Variants in OLFM1 observed in about 807,000 individuals in gnomAD.
OLFM1 encodes olfactomedin 1.
Under a neutral mutation model 49.7 loss-of-function variants are expected in OLFM1, and 9 were observed. The observed-to-expected ratio is 0.18, with a 90% CI of 0.11 to 0.32. The LOEUF is 0.32. Ranked by LOEUF, OLFM1 falls within the 10% of genes least tolerant of loss-of-function variation. The pLI, the probability that OLFM1 is intolerant of heterozygous loss-of-function variation, is 1.00. For missense variants in OLFM1, 369 were observed against 661.8 expected, an observed-to-expected ratio of 0.56 and a Z score of 4.85; for synonymous variants, 240 against 271.8, an observed-to-expected ratio of 0.88 and a Z score of 1.15.
At chr9:135,109,317 G>A (rs1016467641) in intron 5 of OLFM1, among the ~76,000 whole-genome samples, 4 of 152,242 alleles carry the variant, frequency 2.6e-5, no homozygotes, top group African/African-American at 9.6e-5. Context: ...ACAGCGCAGC[G>A]AGGGTGTGGG....
chr9:135,105,264 C>T (rs1201803054), intron 4 of OLFM1, among the ~76,000 whole-genome samples: 2 of 152,232 alleles, frequency 1.3e-5, no homozygotes, highest in East Asian at 1.9e-4. Context: ...GGCGGCAGCC[C>T]GGGAGCCAGG....
intron 2 of OLFM1, among the ~76,000 whole-genome samples, chr9:135,092,906 C>T (rs536748924): frequency 1.6e-3 from 238 of 152,338 alleles, no homozygotes; most frequent in Middle Eastern, 6.8e-3. Context: ...CAGCTTCCCC[C>T]GCACACCCTG....
chr9:135,104,680 G>A (rs1433602265), intron 4 of OLFM1, among the ~76,000 whole-genome samples: 1 of 152,216 alleles, frequency 6.6e-6, no homozygotes, highest in Non-Finnish European at 1.5e-5. Context: ...ATGGCAGGGA[G>A]GGCTGGAGAG....
Position 135,120,792 on chromosome 9 carries a change from A to T in OLFM1, c.*614A>T, listed in dbSNP as rs1469046251. 1 of 152,954 alleles carries T rather than the reference A, an allele frequency of 6.5e-6. No homozygotes were observed. The highest frequency in any genetic ancestry group is 1.5e-5 in the Non-Finnish European group (1 of 68,474). 9.5% of individuals were successfully genotyped at this position (152,954 alleles called of 1,614,324 possible). Reference sequence around the variant, plus strand: ...TTGAACTCGCGTACCCCGTAGATACATTGTGCAACGTTCTTCTGTTATTCC... The same window carrying T: ...TTGAACTCGCGTACCCCGTAGATACTTTGTGCAACGTTCTTCTGTTATTCC... On this transcript the variant is annotated 3_prime_UTR_variant, in exon 6 of 6. Transcript: ENST00000371793.
intron 2 of OLFM1, among the ~76,000 whole-genome samples, chr9:135,091,817 TCA>T (rs374552679): frequency 6.1e-4 from 47 of 77,280 alleles, no homozygotes; most frequent in South Asian, 2.1e-3. Context: ...ACTCACATAG[TCA>T]CACACACTCA....
upstream of OLFM1, among the ~76,000 whole-genome samples, chr9:135,085,832 C>A (rs1213507046): frequency 6.6e-6 from 1 of 152,244 alleles, no homozygotes; most frequent in African/African-American, 2.4e-5. Flanking sequence ...ATTATGCCCA[C>A]TGAATCACAG....
At chr9:135,081,364 C>T (rs1306900009) in intron 1 of OLFM1, among the ~76,000 whole-genome samples, 24 of 152,244 alleles carry the variant, frequency 1.6e-4, no homozygotes, top group Admixed American at 1.6e-3. Context: ...GGTCGCCGAC[C>T]TCTGTGGAAT....
chr9:135,102,051 T>C (rs964269085), intron 4 of OLFM1, among the ~76,000 whole-genome samples: 2 of 152,234 alleles, frequency 1.3e-5, no homozygotes, highest in Non-Finnish European at 2.9e-5. Context: ...GGAACGCGTC[T>C]TAACAAAGCC....
At chr9:135,091,833 TCACACACA>T (rs199926578) in intron 2 of OLFM1, among the ~76,000 whole-genome samples, 1 of 71,290 alleles carries the variant, frequency 1.4e-5, no homozygotes, top group African/African-American at 6.1e-5. Flanking sequence ...ACACTCACAG[TCACACACA>T]CACTCACACA....
At chr9:135,076,568 C>A (rs567532126) in intron 1 of OLFM1, 5 of 1,093,972 alleles carry the variant, frequency 4.6e-6, no homozygotes, top group East Asian at 5.2e-5. Flanking sequence ...CTGTGAGCGC[C>A]GAACTGGGAG....
chr9:135,116,350 A>G (rs997255651), intron 5 of OLFM1, among the ~76,000 whole-genome samples: 1 of 152,118 alleles, frequency 6.6e-6, no homozygotes, highest in African/African-American at 2.4e-5. Context: ...GAGCCTGTGC[A>G]CCGTGTGCCG....
chr9:135,093,211 C>T (rs910708146), intron 2 of OLFM1, among the ~76,000 whole-genome samples: 4 of 152,228 alleles, frequency 2.6e-5, no homozygotes, highest in Non-Finnish European at 5.9e-5. Context: ...CTGGAAGCCT[C>T]ACCAGGTAGT....
At chr9:135,115,829 TG>T (rs2119142977) in intron 5 of OLFM1, among the ~76,000 whole-genome samples, 1 of 152,318 alleles carries the variant, frequency 6.6e-6, no homozygotes, top group East Asian at 1.9e-4. Flanking sequence ...CACGGCTCCC[TG>T]GGTGCACGGG....
Position 135,113,579 on chromosome 9 carries a change from C to G in OLFM1, c.784-5925C>G, listed in dbSNP as rs1313592889. On this transcript the variant is annotated intron_variant, in intron 5 of 5. Coordinates refer to ENST00000371793, the MANE Select transcript of OLFM1 (RefSeq NM_001282611.2). This position sits in a 1 kb window ranked among gnomAD's most constrained non-coding sequence, Gnocchi z 4.0. ...GACTGGCGGTGGCTGGCGGTGGAGG[C>G]GCTTCTTGGTGCCGCATTAACAGGA... 6.6e-6 allele frequency among the ~76,000 whole-genome samples: 1 copy of G among 152,136 alleles called. No homozygotes were observed. Among genetic ancestry groups the G allele is most frequent in the Non-Finnish European group, 1.5e-5 (1 of 68,006 alleles).
In OLFM1 at chr9:135,119,933, G is replaced by A. The variant is rs200726859; in HGVS notation, c.1213G>A (p.Ala405Thr). Residue 405 changes from alanine to threonine, a missense_variant, in exon 6 of 6, where the codon GCC (alanine) becomes ACC (threonine). By Grantham distance (58) the Ala-to-Thr change is moderately conservative. Transcript: ENST00000371793. Reference sequence around the variant, plus strand: ...CTACCCCAAGCGCAGCGCCGGGGAGGCCTTCATCATCTGCGGCACGCTGTA... The same window carrying A: ...CTACCCCAAGCGCAGCGCCGGGGAGACCTTCATCATCTGCGGCACGCTGTA... ...TSYPKRSAGEAFIICGTLYVT... is the reference protein window; with the variant it reads ...TSYPKRSAGETFIICGTLYVT... The A allele has an allele frequency of 2.5e-6, 4 of 1,613,568 alleles. No individual in the cohort carries two copies. The highest frequency in any genetic ancestry group is 3.4e-6 in the Non-Finnish European group (4 of 1,180,026).
In OLFM1 at chr9:135,098,059, C is replaced by A; in HGVS notation, c.457-227C>A. The A allele has an allele frequency of 7.0e-7, 1 of 1,427,138 alleles. No individual in the cohort carries two copies. The allele number at this position is 1,427,138 out of a possible 1,614,324, so 88.4% of individuals were successfully genotyped here. ...CGTGTATGTGACTCAAAGCATGTAA[C>A]CTTAAGATGTTGCATTCTAAACTGA... On this transcript the variant is annotated intron_variant, in intron 3 of 5. Transcript: ENST00000371793. The surrounding 1 kb of genome is among the most constrained non-coding windows in gnomAD (Gnocchi z 5.6).
Position 135,119,540 on chromosome 9 carries a change from G to A in OLFM1, c.820G>A (p.Val274Ile), listed in dbSNP as rs368339499. ...GGACGGCTATCACAACAACCGCTTC[G>A]TACGTGAGTACAAGTCCATGGTTGA... The part of the protein sequence containing the change: ...YMDGYHNNRF[V>I]REYKSMVDFM... Residue 274 changes from valine (V) to isoleucine (I), a missense_variant, in exon 6 of 6, where the codon GTA becomes ATA. Transcript: ENST00000371793. 74 of 1,613,002 alleles carry A rather than the reference G, an allele frequency of 4.6e-5. No homozygotes were observed. Among genetic ancestry groups the A allele is most frequent in the African/African-American group, 1.6e-4 (12 of 74,906 alleles).
chr9:135,108,380 T>A (rs538871312), intron 5 of OLFM1, among the ~76,000 whole-genome samples: 1 of 152,244 alleles, frequency 6.6e-6, no homozygotes, highest in South Asian at 2.1e-4. Context: ...ACACCTGTAA[T>A]CCCAGCACTT....
chr9:135,092,537 T>C (rs1429623382), intron 2 of OLFM1, among the ~76,000 whole-genome samples: 3 of 152,216 alleles, frequency 2.0e-5, no homozygotes, highest in Non-Finnish European at 4.4e-5. Flanking sequence ...ACTGAGCCTT[T>C]AATTATTCAG....
Sources: allele counts gnomAD v4.1 joint callset (sites outside exome capture counted in the v4.1 genomes callset), GRCh38; gene constraint gnomAD v4.1.1; non-coding constraint Gnocchi (gnomAD v3.1); transcripts MANE v1.5; gene names NCBI Gene and HGNC (gene_info 2026-07-23, HGNC 2026-07-21).